The following C1QTNF7 variants were observed in gnomAD, a reference collection of about 807,000 sequenced individuals.
C1QTNF7 encodes the protein complement C1q tumor necrosis factor-related protein 7.
A neutral mutation model predicts 19.6 loss-of-function variants in C1QTNF7; 15 were observed. The observed-to-expected ratio is 0.76, with a 90% CI of 0.51 to 1.18. The LOEUF is 1.18. C1QTNF7 is among the 50% of genes most tolerant of loss of function. The pLI is 0.00. For synonymous variants in C1QTNF7, 142 were observed against 137.5 expected, an observed-to-expected ratio of 1.03 and a Z score of -0.23; for missense variants, 324 against 359.7, an observed-to-expected ratio of 0.90 and a Z score of 0.80.
At chr4:15,412,129 G>A (rs1219267180) in intron 1 of C1QTNF7, among the ~76,000 whole-genome samples, 3 of 152,232 alleles carry the variant, frequency 2.0e-5, no homozygotes, top group South Asian at 2.1e-4. Context: ...TCTAATGCCC[G>A]ATGATCTGTC....
chr4:15,393,757 C>T (rs1228157720), intron 1 of C1QTNF7, among the ~76,000 whole-genome samples: 1 of 152,150 alleles, frequency 6.6e-6, no homozygotes, highest in Non-Finnish European at 1.5e-5. Flanking sequence ...CAACTAGACG[C>T]CATGAGAGCA....
Position 15,431,675 on chromosome 4 carries a change from G to GT in C1QTNF7, c.-9+3576dup, listed in dbSNP as rs113288282. Among the ~76,000 whole-genome samples, 155 of 152,008 alleles carry GT rather than the reference G, an allele frequency of 1.0e-3. 1 individual carries two copies. Among genetic ancestry groups the GT allele is most frequent in the African/African-American group, 3.1e-3 (130 of 41,462 alleles). Reference sequence around the variant, plus strand: ...TCTCATATTTCATAATTTCTCACCAGTTTTTTTCCCCCACAAAGCTCAAAC... The same window carrying GT: ...TCTCATATTTCATAATTTCTCACCAGTTTTTTTTCCCCCACAAAGCTCAAAC... On this transcript the variant is annotated intron_variant, in intron 1 of 2. Transcript: ENST00000444304.
intron 1 of C1QTNF7, among the ~76,000 whole-genome samples, chr4:15,422,753 C>A (rs1711837336): frequency 6.6e-6 from 1 of 152,102 alleles, no homozygotes; most frequent in Admixed American, 6.6e-5. Flanking sequence ...TATACATGCA[C>A]TCCAGCAATG....
intron 1 of C1QTNF7, among the ~76,000 whole-genome samples, chr4:15,417,459 C>A (rs1313735361): frequency 6.6e-6 from 1 of 152,192 alleles, no homozygotes; most frequent in Non-Finnish European, 1.5e-5. Flanking sequence ...ATAAAGAGAT[C>A]CTGAGGCTGC....
intron 1 of C1QTNF7, among the ~76,000 whole-genome samples, chr4:15,370,775 T>A (rs1224776151): frequency 6.6e-6 from 1 of 152,184 alleles, no homozygotes; most frequent in Non-Finnish European, 1.5e-5. Flanking sequence ...AATAAAAATA[T>A]TTTCGTAGGA....
chr4:15,422,518 A>C (rs1373605915), intron 1 of C1QTNF7, among the ~76,000 whole-genome samples: 1 of 152,222 alleles, frequency 6.6e-6, no homozygotes, highest in Non-Finnish European at 1.5e-5. Flanking sequence ...TTTCCTGTCC[A>C]TTCAATGCTA....
intron 1 of C1QTNF7, among the ~76,000 whole-genome samples, chr4:15,354,808 A>G (rs1717075066): frequency 6.6e-6 from 1 of 152,124 alleles, no homozygotes; most frequent in Admixed American, 6.6e-5. Context: ...GCTACAAGAC[A>G]TAAATTTACA....
chr4:15,405,933 G>A (rs78522533), intron 1 of C1QTNF7, among the ~76,000 whole-genome samples: 10,411 of 152,106 alleles, frequency 0.068, 1,142 homozygotes, highest in African/African-American at 0.23. Context: ...GTTAGTCTCT[G>A]TAGGAAGAGC....
In C1QTNF7 at chr4:15,442,888, C is replaced by A; in HGVS notation, c.*89C>A. 7.6e-7 allele frequency: 1 copy of A among 1,309,024 alleles called. No homozygotes were observed. The highest frequency in any genetic ancestry group is 1.0e-6 in the Non-Finnish European group (1 of 966,358). The allele number at this position is 1,309,024 out of a possible 1,614,324, so 81.1% of individuals were successfully genotyped here. ...GCAGGAATGGGATCCAAAGAGACTC[C>A]CACTCAGATTCTAAAGCATTTAAAG... On this transcript the variant is annotated 3_prime_UTR_variant, in exon 3 of 3. Coordinates refer to ENST00000444304, the MANE Select transcript of C1QTNF7 (RefSeq NM_031911.5).
In C1QTNF7 at chr4:15,414,836, G is replaced by C. The variant is rs1719533408; in HGVS notation, c.14-20900G>C. Among the ~76,000 whole-genome samples, 3 of 152,014 alleles carry C rather than the reference G, an allele frequency of 2.0e-5. No homozygotes were observed. The South Asian group carries it at 6.3e-4, about 32-fold the overall frequency. On this transcript the variant is annotated intron_variant, in intron 1 of 2. Transcript: ENST00000295297. ...TTTCATGAACTCACAAAATGTGTTA[G>C]TCATAGCCATCATAGAGTTCCAGTT...
rs190926632 is a variant in C1QTNF7 at position 15,402,154 on chromosome 4, C to T, written c.14-33582C>T. 3.4e-3 allele frequency among the ~76,000 whole-genome samples: 522 copies of T among 152,302 alleles called. 3 individuals carry two copies. Among genetic ancestry groups the T allele is most frequent in the Non-Finnish European group, 5.1e-3 (346 of 68,012 alleles). On this transcript the variant is annotated intron_variant, in intron 1 of 2. Transcript: ENST00000295297. ...TTGTTTAGAGAACAGATATCACAAG[C>T]GGAGCCTGGCAGGTTACTTTAGTCT...
chr4:15,356,639 G>T (rs1717155691), intron 1 of C1QTNF7, among the ~76,000 whole-genome samples: 1 of 152,140 alleles, frequency 6.6e-6, no homozygotes, highest in African/African-American at 2.4e-5. Flanking sequence ...GCATCAAATG[G>T]TATTTCTGGT....
intron 2 of C1QTNF7, among the ~76,000 whole-genome samples, chr4:15,440,860 C>G (rs935737385): frequency 2.6e-5 from 4 of 151,434 alleles, no homozygotes; most frequent in Admixed American, 6.6e-5. Flanking sequence ...TCCTGCTGGC[C>G]GGGCATGGCG....
At chr4:15,341,053 CA>C (rs1716519968) in intron 1 of C1QTNF7, among the ~76,000 whole-genome samples, 1 of 152,350 alleles carries the variant, frequency 6.6e-6, no homozygotes, top group African/African-American at 2.4e-5. Context: ...GTCTGAGGCA[CA>C]ATTCCAGGTG....
intron 1 of C1QTNF7, among the ~76,000 whole-genome samples, chr4:15,431,379 C>T (rs1358364079): frequency 1.3e-5 from 2 of 152,132 alleles, no homozygotes; most frequent in African/African-American, 4.8e-5. Context: ...AGGTGATCAG[C>T]TCTAGGGAGG....
At chr4:15,357,559 G>A (rs976197211) in intron 1 of C1QTNF7, among the ~76,000 whole-genome samples, 1 of 152,112 alleles carries the variant, frequency 6.6e-6, no homozygotes, top group Non-Finnish European at 1.5e-5. Context: ...GATTGTCTTG[G>A]CTATACGGGC....
Position 15,443,812 on chromosome 4 carries a change from A to T in C1QTNF7, c.*1013A>T, listed in dbSNP as rs1712885296. The T allele has an allele frequency of 6.6e-6, 1 of 152,240 alleles. No individual in the cohort carries two copies. The highest frequency in any genetic ancestry group is 2.1e-4 in the South Asian group (1 of 4,836). The allele number at this position is 152,240 out of a possible 1,614,324, so 9.4% of individuals were successfully genotyped here. On this transcript the variant is annotated 3_prime_UTR_variant, in exon 3 of 3. Transcript: ENST00000444304. ...CATTTGTCCTAATAGCTTTCTCATA[A>T]ATATGGGCACCACTTTACATTGTGG...
At position 15,443,090 on chromosome 4, in the gene C1QTNF7, T is replaced by TA. The variant is rs1388906936; in HGVS notation, c.*295dup. 2 of 219,770 alleles carry TA rather than the reference T, an allele frequency of 9.1e-6. No individual in the cohort carries two copies. The highest frequency in any genetic ancestry group is 2.0e-4 in the East Asian group (2 of 9,970). The allele number at this position is 219,770 out of a possible 1,614,324, so 13.6% of individuals were successfully genotyped here. A position where few individuals can be genotyped will look rare whatever the true frequency, so the allele number is the denominator to read the frequency against. Reference sequence around the variant, plus strand: ...ATTTTCTATTAAATGCCCTGAGTGATAAAACCAGTTGGCAATAATATTGCC... The same window carrying TA: ...ATTTTCTATTAAATGCCCTGAGTGATAAAAACCAGTTGGCAATAATATTGCC... On this transcript the variant is annotated 3_prime_UTR_variant, in exon 3 of 3. Coordinates refer to ENST00000444304, the MANE Select transcript of C1QTNF7 (RefSeq NM_031911.5).
At chr4:15,377,190 T>C (rs749766217) in intron 1 of C1QTNF7, among the ~76,000 whole-genome samples, 2 of 152,238 alleles carry the variant, frequency 1.3e-5, no homozygotes, top group Non-Finnish European at 2.9e-5. Flanking sequence ...CAATATGACC[T>C]AACCTGAAGA....
Sources: allele counts gnomAD v4.1 joint callset (sites outside exome capture counted in the v4.1 genomes callset), GRCh38; gene constraint gnomAD v4.1.1; transcripts MANE v1.5; gene names NCBI Gene and HGNC (gene_info 2026-07-23, HGNC 2026-07-21).